KIAA1549: variants seen among roughly 807,000 people sequenced by gnomAD.
The protein encoded by KIAA1549 is KIAA1549, also known as UPF0606 protein KIAA1549.
KIAA1549 carries 70 observed loss-of-function variants against 156.4 expected under a neutral mutation model. The ratio of observed to expected loss-of-function variants is 0.45; its 90% CI spans 0.37 to 0.55. The LOEUF is 0.55. Ranked by LOEUF, KIAA1549 falls within the 20% of genes least tolerant of loss-of-function variation. The pLI is 0.00. For synonymous variants in KIAA1549, 1,103 were observed against 1,066.4 expected, an observed-to-expected ratio of 1.03 and a Z score of -0.67; for missense variants, 2,428 against 2,540.9, an observed-to-expected ratio of 0.96 and a Z score of 0.96.
intron 18 of KIAA1549, 121 bp from the exon 19 acceptor site, chr7:138,840,399 A>G: frequency 1.2e-6 from 1 of 822,680 alleles, no homozygotes; most frequent in Non-Finnish European, 1.9e-6. Flanking sequence ...ACAAGGGATC[A>G]GGACTTGGTA....
chr7:138,884,536 C>T (rs929665700), intron 10 of KIAA1549, among the ~76,000 whole-genome samples: 3 of 152,014 alleles, frequency 2.0e-5, no homozygotes, highest in East Asian at 1.9e-4. Context: ...TAATAAGATA[C>T]CAAATTATAA....
intron 7 of KIAA1549, among the ~76,000 whole-genome samples, chr7:138,904,698 T>C (rs1481935328): frequency 1.4e-5 from 2 of 147,624 alleles, no homozygotes; most frequent in African/African-American, 2.5e-5. Flanking sequence ...AATAACACTT[T>C]TAGAAAAAAA....
chr7:138,925,558 C>T lies in KIAA1549; in HGVS notation c.188-6120G>A, dbSNP rs117542296. Among the ~76,000 whole-genome samples the T allele has an allele frequency of 6.5e-3, 982 of 152,104 alleles. 3 individuals carry two copies. Among genetic ancestry groups the T allele is most frequent in the Non-Finnish European group, 0.01 (710 of 67,972 alleles). On this transcript the variant is annotated intron_variant, in intron 1 of 19. Transcript: ENST00000422774. ...AAATGGCCAGGTGCTAGTGGCTCAC[C>T]GCTATAATCCAAGCACTCTGGTAGG...
intron 1 of KIAA1549, among the ~76,000 whole-genome samples, chr7:138,939,093 T>G (rs1163939273): frequency 6.6e-6 from 1 of 152,220 alleles, no homozygotes; most frequent in African/African-American, 2.4e-5. Flanking sequence ...AACCCATTAC[T>G]CAGCTTCAAT....
chr7:138,837,766 T>C lies in KIAA1549; in HGVS notation c.*140A>G, dbSNP rs1048184468. The C allele has an allele frequency of 5.5e-6, 5 of 912,992 alleles. No homozygotes were observed. The African/African-American group carries it at 8.4e-5, about 15-fold the overall frequency. The allele number at this position is 912,992 out of a possible 1,614,324, so 56.6% of individuals were successfully genotyped here. On this transcript the variant is annotated 3_prime_UTR_variant, in exon 20 of 20. Transcript: ENST00000422774. ...CTGTCACACGACGTATGGCATCTTC[T>C]AAATTGCAACTTGCTCCCTCCCTTG... is the stretch of plus-strand genomic sequence containing the variant.
chr7:138,841,631 G>C (rs1445675524), intron 18 of KIAA1549, among the ~76,000 whole-genome samples: 3 of 152,218 alleles, frequency 2.0e-5, no homozygotes, highest in African/African-American at 7.2e-5. Flanking sequence ...GCTCAGACTG[G>C]AACCACAAAG....
intron 1 of KIAA1549, among the ~76,000 whole-genome samples, chr7:138,951,800 A>G (rs1813507196): frequency 6.6e-6 from 1 of 152,220 alleles, no homozygotes; most frequent in African/African-American, 2.4e-5. Context: ...AGAACATAAT[A>G]CATATGTCTA....
At chr7:138,858,790 G>A (rs926908508) in intron 16 of KIAA1549, among the ~76,000 whole-genome samples, 4 of 152,038 alleles carry the variant, frequency 2.6e-5, no homozygotes, top group Admixed American at 6.5e-5. Context: ...GGCAGATCAC[G>A]AGGTCAGGAG....
At chr7:138,875,129 C>A in intron 12 of KIAA1549, among the ~76,000 whole-genome samples, 1 of 152,152 alleles carries the variant, frequency 6.6e-6, no homozygotes, top group East Asian at 1.9e-4. Context: ...GTTCCCAAGG[C>A]AAAGTAATGA....
intron 1 of KIAA1549, among the ~76,000 whole-genome samples, chr7:138,935,574 T>TA (rs1180716536): frequency 6.6e-6 from 1 of 152,164 alleles, no homozygotes; most frequent in African/African-American, 2.4e-5. Context: ...AGCTTCCAGA[T>TA]AATCTTCTGT....
At chr7:138,872,027 C>T (rs549468883) in intron 12 of KIAA1549, among the ~76,000 whole-genome samples, 3 of 152,244 alleles carry the variant, frequency 2.0e-5, no homozygotes, top group Non-Finnish European at 4.4e-5. Flanking sequence ...CTCACTCTCT[C>T]GCCTAGGCTG....
chr7:138,950,102 G>T (rs546643896), intron 1 of KIAA1549, among the ~76,000 whole-genome samples: 1 of 152,274 alleles, frequency 6.6e-6, no homozygotes, highest in South Asian at 2.1e-4. Flanking sequence ...AGCTGGGGAT[G>T]GTAGTAACTG....
chr7:138,941,964 A>G (rs1263418449), intron 1 of KIAA1549, among the ~76,000 whole-genome samples: 1 of 151,818 alleles, frequency 6.6e-6, no homozygotes, highest in Non-Finnish European at 1.5e-5. Flanking sequence ...ATTTTATGTT[A>G]TGTATATTTT....
At chr7:138,952,694 T>C (rs1176390315) in intron 1 of KIAA1549, among the ~76,000 whole-genome samples, 1 of 152,206 alleles carries the variant, frequency 6.6e-6, no homozygotes, top group Admixed American at 6.5e-5. Flanking sequence ...TTCATGCAAC[T>C]TGGCATTGGA....
intron 10 of KIAA1549, among the ~76,000 whole-genome samples, chr7:138,891,394 C>A (rs1811542697): frequency 6.6e-6 from 1 of 152,208 alleles, no homozygotes. Flanking sequence ...GGCATCCAGC[C>A]AATGCCATTC....
intron 1 of KIAA1549, among the ~76,000 whole-genome samples, chr7:138,967,981 C>G (rs1031414334): frequency 6.6e-6 from 1 of 152,210 alleles, no homozygotes; most frequent in Non-Finnish European, 1.5e-5. Flanking sequence ...ACCACTGAGG[C>G]TCCCAGCTCT....
At chr7:138,921,381 G>A (rs1812558875) in intron 1 of KIAA1549, among the ~76,000 whole-genome samples, 1 of 152,138 alleles carries the variant, frequency 6.6e-6, no homozygotes, top group African/African-American at 2.4e-5. Context: ...TTTGCTTTCT[G>A]GCGGAAAACC....
At chr7:138,883,258 G>GT (rs1186232095) in intron 10 of KIAA1549, among the ~76,000 whole-genome samples, 1 of 130,222 alleles carries the variant, frequency 7.7e-6, no homozygotes, top group African/African-American at 2.9e-5. Context: ...AGGTGAAAGA[G>GT]TAAGACTCCA....
chr7:138,904,862 C>T (rs1245487180), intron 7 of KIAA1549, among the ~76,000 whole-genome samples, 160 bp downstream of exon 7: 1 of 152,142 alleles, frequency 6.6e-6, no homozygotes, highest in Non-Finnish European at 1.5e-5. Flanking sequence ...GATATATTCC[C>T]ACAGCCAAAT....
Sources: gnomAD v4.1 joint callset for allele counts (sites outside exome capture counted in the v4.1 genomes callset) on GRCh38, gnomAD v4.1.1 for gene constraint, MANE v1.5 for transcripts, NCBI Gene and HGNC (gene_info 2026-07-23, HGNC 2026-07-21) for gene names.